Variants in SNTG2 observed in about 807,000 individuals in gnomAD.
The protein encoded by SNTG2 is gamma-2-syntrophin.
SNTG2 carries 74 observed loss-of-function variants against 70.9 expected under a neutral mutation model. That is an observed-to-expected ratio of 1.04 (90% CI 0.86 to 1.27). The LOEUF is 1.27. Among genes scored for constraint, SNTG2 ranks in the 50% most tolerant of loss-of-function variants. SNTG2 has a pLI of 0.00. For synonymous variants in SNTG2, 278 were observed against 273.8 expected, an observed-to-expected ratio of 1.02 and a Z score of -0.15; for missense variants, 717 against 690.7, an observed-to-expected ratio of 1.04 and a Z score of -0.43.
intron 8 of SNTG2, among the ~76,000 whole-genome samples, chr2:1,180,301 T>C (rs1205579823): frequency 1.5e-5 from 2 of 135,576 alleles, no homozygotes; most frequent in African/African-American, 5.3e-5. Flanking sequence ...TGGGAGAAAA[T>C]TTTTGCAACC....
intron 12 of SNTG2, among the ~76,000 whole-genome samples, chr2:1,253,115 G>A (rs1016693415): frequency 2.6e-5 from 4 of 152,070 alleles, no homozygotes; most frequent in African/African-American, 9.7e-5. Flanking sequence ...TCTCAATGCT[G>A]GTTCCCCATC....
At chr2:1,060,667 G>C (rs6749763) in intron 1 of SNTG2, among the ~76,000 whole-genome samples, 25,279 of 152,088 alleles carry the variant, frequency 0.17, 2,204 homozygotes, top group South Asian at 0.2. Flanking sequence ...ATGAACCTAA[G>C]AATGATACTA....
Position 1,226,264 on chromosome 2 carries a change from G to A in SNTG2, c.720-11624G>A, listed in dbSNP as rs181217179. On this transcript the variant is annotated intron_variant, in intron 9 of 16. Coordinates refer to ENST00000308624, the MANE Select transcript of SNTG2 (RefSeq NM_018968.4). ...ATTTTAAAATGAAGGTTGATCCCTG[G>A]AAGAGGACCTGGAGGACTGTTGAAC... Among the ~76,000 whole-genome samples, 10 of 152,320 alleles carry A rather than the reference G, an allele frequency of 6.6e-5. No individual in the cohort carries two copies. The East Asian group carries it at 1.9e-3, about 29-fold the overall frequency.
chr2:1,065,731 TG>T, intron 1 of SNTG2, among the ~76,000 whole-genome samples: 1 of 152,218 alleles, frequency 6.6e-6, no homozygotes, highest in Admixed American at 6.5e-5. Context: ...AGTTATTTTT[TG>T]TATGTCGTTT....
At chr2:1,276,252 A>G (rs1187641601) in intron 14 of SNTG2, among the ~76,000 whole-genome samples, 1 of 152,250 alleles carries the variant, frequency 6.6e-6, no homozygotes, top group Admixed American at 6.5e-5. Context: ...ACAGCATTCT[A>G]TTGGAAGAAG....
chr2:955,515 T>C (rs573711382), intron 1 of SNTG2, among the ~76,000 whole-genome samples: 3 of 152,372 alleles, frequency 2.0e-5, no homozygotes, highest in African/African-American at 7.2e-5. Flanking sequence ...TCTCTAAGTA[T>C]GGACTGACCA....
intron 8 of SNTG2, among the ~76,000 whole-genome samples, chr2:1,173,493 T>C (rs1213777868): frequency 6.6e-6 from 1 of 152,262 alleles, no homozygotes; most frequent in Non-Finnish European, 1.5e-5. Context: ...GACTGCAGGT[T>C]ATTTTTAGGA....
intron 16 of SNTG2, chr2:1,346,707 G>A (rs1660302576): frequency 6.6e-6 from 1 of 152,262 alleles, no homozygotes. Context: ...GAGGCAGTCG[G>A]GTTGCAGTTT....
At chr2:1,154,959 C>CACAT (rs1669764695) in intron 6 of SNTG2, among the ~76,000 whole-genome samples, 1 of 148,126 alleles carries the variant, frequency 6.8e-6, no homozygotes, top group African/African-American at 2.5e-5. Flanking sequence ...ACTCACACCA[C>CACAT]ACACAAAGAC....
intron 1 of SNTG2, among the ~76,000 whole-genome samples, chr2:955,741 C>G (rs1660119159): frequency 6.6e-6 from 1 of 152,218 alleles, no homozygotes; most frequent in Admixed American, 6.5e-5. Flanking sequence ...AGAAAATAAT[C>G]TGCATTTTTG....
intron 4 of SNTG2, among the ~76,000 whole-genome samples, chr2:1,121,202 G>T (rs970261719): frequency 6.6e-6 from 1 of 152,050 alleles, no homozygotes; most frequent in South Asian, 2.1e-4. Context: ...TATCTATCTT[G>T]AGACAAACAA....
intron 16 of SNTG2, among the ~76,000 whole-genome samples, chr2:1,329,633 G>A (rs1055566678): frequency 8.5e-5 from 13 of 152,332 alleles, no homozygotes; most frequent in African/African-American, 2.6e-4. Flanking sequence ...GTAGTGCAGG[G>A]AAGAAAATAT....
chr2:1,007,704 A>T (rs1572215287), intron 1 of SNTG2, among the ~76,000 whole-genome samples: 3 of 152,250 alleles, frequency 2.0e-5, no homozygotes, highest in Non-Finnish European at 4.4e-5. Flanking sequence ...ATAGAAAAAG[A>T]TGCACATCCC....
chr2:1,143,993 G>A lies in SNTG2; in HGVS notation c.411+6184G>A, dbSNP rs59038494. On this transcript the variant is annotated intron_variant, in intron 6 of 16. Transcript: ENST00000308624. ...GCAATTCTCATGAAAACTCTGGAAC[G>A]CTTGCACATCTCCCACAGTTGACAG... Among the ~76,000 whole-genome samples the A allele has an allele frequency of 2.8e-4, 42 of 151,432 alleles. No homozygotes were observed. The East Asian group carries it at 6.7e-3, about 24-fold the overall frequency.
At chr2:1,156,114 G>A (rs1669878957) in intron 6 of SNTG2, among the ~76,000 whole-genome samples, 1 of 152,184 alleles carries the variant, frequency 6.6e-6, no homozygotes, top group African/African-American at 2.4e-5. Context: ...CAGAGAAATG[G>A]CACAGGGCCG....
At chr2:1,105,829 A>G (rs914509429) in intron 4 of SNTG2, among the ~76,000 whole-genome samples, 1 of 152,086 alleles carries the variant, frequency 6.6e-6, no homozygotes, top group African/African-American at 2.4e-5. Flanking sequence ...CCCTGCTCCG[A>G]TGCATGGCAC....
At chr2:1,115,584 G>A (rs745623889) in intron 4 of SNTG2, among the ~76,000 whole-genome samples, 1 of 151,306 alleles carries the variant, frequency 6.6e-6, no homozygotes, top group Non-Finnish European at 1.5e-5. Flanking sequence ...ACTAAGTGAG[G>A]TTTGTCCCTT....
chr2:1,202,706 C>T (rs1224926309), intron 8 of SNTG2, among the ~76,000 whole-genome samples: 2 of 152,064 alleles, frequency 1.3e-5, no homozygotes, highest in African/African-American at 4.8e-5. Context: ...AAGATACCCA[C>T]AGGTGGGAAT....
chr2:1,214,466 C>A (rs191557590), intron 9 of SNTG2, among the ~76,000 whole-genome samples: 1 of 151,992 alleles, frequency 6.6e-6, no homozygotes, highest in South Asian at 2.1e-4. Flanking sequence ...TCATCTCTTT[C>A]GTTAAATTTA....
Sources: allele counts gnomAD v4.1 joint callset (sites outside exome capture counted in the v4.1 genomes callset), GRCh38; gene constraint gnomAD v4.1.1; transcripts MANE v1.5; gene names NCBI Gene and HGNC (gene_info 2026-07-23, HGNC 2026-07-21).